The following DOCK5 variants were observed in gnomAD, a reference collection of about 807,000 sequenced individuals.
DOCK5 encodes dedicator of cytokinesis 5.
DOCK5 carries 142 observed loss-of-function variants against 251.8 expected under a neutral mutation model. The observed-to-expected ratio is 0.56, with a 90% confidence interval of 0.49 to 0.65. The LOEUF (loss-of-function observed/expected upper bound fraction) is 0.65. Ranked by LOEUF, DOCK5 falls within the 30% of genes least tolerant of loss-of-function variation. The pLI, the probability that DOCK5 is intolerant of heterozygous loss-of-function variation, is 0.00. For synonymous variants in DOCK5, 842 were observed against 835.5 expected (o/e 1.01, Z -0.13); for missense variants, 2,111 against 2,312.3 (o/e 0.91, Z 1.79).
intron 9 of DOCK5, 125 bp from the exon 10 acceptor site, chr8:25,302,200 C>G (rs1488209449): frequency 6.1e-6 from 8 of 1,317,122 alleles, no homozygotes; most frequent in South Asian, 3.5e-5. Context: ...GAGAGTCGTT[C>G]TAATACTTCA....
At chr8:25,185,012 C>G in intron 1 of DOCK5, 61 bp downstream of exon 1, 1 of 1,292,114 alleles carries the variant, frequency 7.7e-7, no homozygotes, top group Non-Finnish European at 9.9e-7. Flanking sequence ...CGGACAGCGG[C>G]CCTGCCAGGT....
intron 1 of DOCK5, among the ~76,000 whole-genome samples, chr8:25,197,750 A>ATTTTTTTTT (rs71214555): frequency 1.9e-4 from 18 of 95,766 alleles, no homozygotes; most frequent in South Asian, 6.7e-4. Context: ...TGCCAAGCTA[A>ATTTTTTTTT]TTTTTTTTTT....
In DOCK5 at chr8:25,317,119, C is replaced by G. The variant is rs750055659; in HGVS notation, c.1431C>G (p.Gly477=). 6.2e-7 allele frequency: 1 copy of G among 1,613,630 alleles called. No individual in the cohort carries two copies. Among genetic ancestry groups the G allele is most frequent in the Non-Finnish European group, 8.5e-7 (1 of 1,179,760 alleles). The change falls in exon 14 of 52, where the codon GGC becomes GGG. Residue 477 remains glycine (G), a synonymous_variant. Transcript: ENST00000276440. The part of the protein sequence containing the change: ...EVTMSVHDEE[G]KLLEKAIHPG... ...CGATGTCTGTGCACGATGAGGAGGG[C>G]AAGCTCTTGGAGGTGCGCGGCATGG...
intron 3 of DOCK5, among the ~76,000 whole-genome samples, chr8:25,269,454 T>C (rs1803847595): frequency 6.6e-6 from 1 of 152,240 alleles, no homozygotes; most frequent in South Asian, 2.1e-4. Flanking sequence ...ACGAAACTTT[T>C]ATTTTAGGTA....
intron 32 of DOCK5, 55 bp downstream of exon 32, chr8:25,368,305 C>G: frequency 6.8e-7 from 1 of 1,472,572 alleles, no homozygotes; most frequent in Non-Finnish European, 9.3e-7. Context: ...ATAAGCATCC[C>G]ACGATAAAGT....
intron 22 of DOCK5, among the ~76,000 whole-genome samples, chr8:25,339,413 C>G (rs1805894952): frequency 6.6e-6 from 1 of 152,086 alleles, no homozygotes; most frequent in African/African-American, 2.4e-5. Flanking sequence ...GCATATGTGA[C>G]CAGGCTCCCA....
At chr8:25,281,911 A>G (rs1248788400) in intron 5 of DOCK5, among the ~76,000 whole-genome samples, 1 of 148,128 alleles carries the variant, frequency 6.8e-6, no homozygotes, top group Non-Finnish European at 1.5e-5. Flanking sequence ...AAAAAAAGCC[A>G]TCCCCTCTTC....
At chr8:25,245,270 A>T (rs1803068966) in intron 2 of DOCK5, among the ~76,000 whole-genome samples, 1 of 152,004 alleles carries the variant, frequency 6.6e-6, no homozygotes, top group Admixed American at 6.6e-5. Context: ...GTTAGCCAGG[A>T]TGGTCTCGAT....
At chr8:25,230,605 C>T (rs188918225) in intron 1 of DOCK5, among the ~76,000 whole-genome samples, 98 of 152,118 alleles carry the variant, frequency 6.4e-4, no homozygotes, top group Admixed American at 1.3e-3. Flanking sequence ...AACCCCAGCA[C>T]TTTGGGAGGC....
At chr8:25,302,102 G>A (rs1379638047) in intron 9 of DOCK5, among the ~76,000 whole-genome samples, 1 of 152,212 alleles carries the variant, frequency 6.6e-6, no homozygotes, top group East Asian at 1.9e-4. Context: ...TTTGAAGTAG[G>A]AACTGGGGAA....
chr8:25,301,107 A>G (rs1804748542), intron 9 of DOCK5, among the ~76,000 whole-genome samples: 1 of 152,208 alleles, frequency 6.6e-6, no homozygotes, highest in Non-Finnish European at 1.5e-5. Flanking sequence ...GGATATGCCA[A>G]AGAGAAGCGT....
intron 2 of DOCK5, among the ~76,000 whole-genome samples, chr8:25,260,035 C>G (rs927521729): frequency 6.6e-6 from 1 of 152,192 alleles, no homozygotes; most frequent in Admixed American, 6.5e-5. Flanking sequence ...GTGCTGTGCA[C>G]AGGGAGAGGT....
chr8:25,383,138 C>G (rs1433008644), intron 40 of DOCK5, among the ~76,000 whole-genome samples: 1 of 152,104 alleles, frequency 6.6e-6, no homozygotes, highest in Non-Finnish European at 1.5e-5. Context: ...ATCCCAAGAA[C>G]CAGACTGCAG....
intron 2 of DOCK5, among the ~76,000 whole-genome samples, chr8:25,266,798 G>A (rs570722047): frequency 6.7e-6 from 1 of 149,930 alleles, no homozygotes; most frequent in South Asian, 2.1e-4. Flanking sequence ...CTTTAGGTAG[G>A]GCTTACACAC....
At chr8:25,401,213 C>T in intron 47 of DOCK5, 147 bp downstream of exon 47, 1 of 1,169,306 alleles carries the variant, frequency 8.6e-7, no homozygotes, top group Non-Finnish European at 1.2e-6. Context: ...GTGTGTTCCC[C>T]TCTTGGTGAC....
chr8:25,271,225 C>A (rs750455571), intron 3 of DOCK5: 7 of 166,356 alleles, frequency 4.2e-5, no homozygotes, highest in Non-Finnish European at 7.7e-5. Flanking sequence ...CTTAAAATCT[C>A]ACCCTTCAGA....
chr8:25,293,389 G>A (rs1409218541), intron 6 of DOCK5, among the ~76,000 whole-genome samples: 2 of 152,126 alleles, frequency 1.3e-5, no homozygotes, highest in Non-Finnish European at 2.9e-5. Context: ...TCAGATTCAA[G>A]CAGTATTTAG....
At chr8:25,348,209 T>G (rs1258357939) in intron 26 of DOCK5, among the ~76,000 whole-genome samples, 5 of 152,238 alleles carry the variant, frequency 3.3e-5, no homozygotes, top group Non-Finnish European at 7.3e-5. Context: ...TTTGTTTTAT[T>G]TTTTTAAACA....
intron 1 of DOCK5, among the ~76,000 whole-genome samples, chr8:25,190,396 A>T (rs1801547257): frequency 6.6e-6 from 1 of 152,214 alleles, no homozygotes; most frequent in South Asian, 2.1e-4. Context: ...AATAACTAGC[A>T]TAATTTTGAA....
Sources: allele counts gnomAD v4.1 joint callset (sites outside exome capture counted in the v4.1 genomes callset), GRCh38; gene constraint gnomAD v4.1.1; transcripts MANE v1.5; gene names NCBI Gene and HGNC (gene_info 2026-07-23, HGNC 2026-07-21).